Variants in GNG2 observed in about 807,000 individuals in gnomAD.
The protein encoded by GNG2 is guanine nucleotide-binding protein G(I)/G(S)/G(O) subunit gamma-2.
A neutral mutation model predicts 5.5 loss-of-function variants in GNG2; 5 were observed. The observed-to-expected ratio is 0.91, with a 90% confidence interval of 0.48 to 1.92. GNG2 has a LOEUF of 1.92. Among genes scored for constraint, GNG2 ranks in the 30% most tolerant of loss-of-function variants. The pLI, the probability that GNG2 is intolerant of heterozygous loss-of-function variation, is 0.01. For missense variants in GNG2, 55 were observed against 88.4 expected, an observed-to-expected ratio of 0.62 and a Z score of 1.52; for synonymous variants, 28 against 32.0, an observed-to-expected ratio of 0.88 and a Z score of 0.42.
At chr14:51,917,412 G>T (rs1446212466) in intron 2 of GNG2, 1 of 456,076 alleles carries the variant, frequency 2.2e-6, no homozygotes, top group South Asian at 1.5e-5. Flanking sequence ...CCTTCATACT[G>T]CAATCGCCTC....
intron 2 of GNG2, among the ~76,000 whole-genome samples, chr14:51,836,163 C>G (rs1881324959): frequency 6.6e-6 from 1 of 151,822 alleles, no homozygotes; most frequent in South Asian, 2.1e-4. Context: ...TCTCTCCTGT[C>G]TCTTATAAGG....
At chr14:51,837,973 T>C (rs546311632) in intron 2 of GNG2, among the ~76,000 whole-genome samples, 1 of 152,194 alleles carries the variant, frequency 6.6e-6, no homozygotes, top group African/African-American at 2.4e-5. Flanking sequence ...TCCTCGTCAG[T>C]AGTAAATAGG....
chr14:51,829,777 C>T (rs1311345263), intron 2 of GNG2, among the ~76,000 whole-genome samples: 1 of 152,062 alleles, frequency 6.6e-6, no homozygotes, highest in African/African-American at 2.4e-5. Context: ...CACTGCTAAA[C>T]CTAATGTTCA....
At chr14:51,853,008 C>A (rs1436275731) in intron 2 of GNG2, among the ~76,000 whole-genome samples, 1 of 152,104 alleles carries the variant, frequency 6.6e-6, no homozygotes, top group Admixed American at 6.6e-5. Flanking sequence ...TATCACATTT[C>A]CCCCCTTGCT....
intron 2 of GNG2, among the ~76,000 whole-genome samples, chr14:51,919,088 G>A (rs1886845205): frequency 6.6e-6 from 1 of 152,134 alleles, no homozygotes; most frequent in African/African-American, 2.4e-5. Context: ...GCCTCCCAAA[G>A]TGCTGGCATT....
chr14:51,839,687 G>A (rs1869778202), intron 2 of GNG2, among the ~76,000 whole-genome samples: 1 of 152,152 alleles, frequency 6.6e-6, no homozygotes, highest in South Asian at 2.1e-4. Flanking sequence ...TATCTTGATC[G>A]TGGTGGTGGT....
intron 2 of GNG2, among the ~76,000 whole-genome samples, chr14:51,935,316 CGCCCA>C (rs1313675749): frequency 6.6e-6 from 1 of 151,908 alleles, no homozygotes; most frequent in South Asian, 2.1e-4. Flanking sequence ...TGAGCCACCA[CGCCCA>C]GCCCAGCCCA....
chr14:51,851,520 C>T (rs1476320547), intron 2 of GNG2, among the ~76,000 whole-genome samples: 3 of 152,166 alleles, frequency 2.0e-5, no homozygotes, highest in Non-Finnish European at 4.4e-5. Context: ...TTAGTGAGTG[C>T]TTACTGTATA....
intron 2 of GNG2, among the ~76,000 whole-genome samples, chr14:51,935,701 T>A (rs1394118748): frequency 6.6e-6 from 1 of 151,878 alleles, no homozygotes; most frequent in Non-Finnish European, 1.5e-5. Context: ...TTCTTTGAGG[T>A]TTAATTGGCT....
intron 2 of GNG2, among the ~76,000 whole-genome samples, chr14:51,908,630 C>T (rs375149367): frequency 1.5e-4 from 23 of 150,334 alleles, no homozygotes; most frequent in Non-Finnish European, 3.1e-4. Context: ...AGGGCAGTGG[C>T]GCGATCTCGG....
At chr14:51,885,776 C>T (rs558606390) in intron 2 of GNG2, among the ~76,000 whole-genome samples, 62 of 152,260 alleles carry the variant, frequency 4.1e-4, no homozygotes, top group Non-Finnish European at 7.8e-4. Context: ...ATTTTAGATA[C>T]ACTTCATGGG....
At chr14:51,901,613 C>T (rs1594893788) in intron 2 of GNG2, among the ~76,000 whole-genome samples, 1 of 152,248 alleles carries the variant, frequency 6.6e-6, no homozygotes, top group East Asian at 1.9e-4. Context: ...CCAGTAGCCA[C>T]TGAGTGGTCC....
upstream of GNG2, among the ~76,000 whole-genome samples, chr14:51,857,011 A>G (rs568000417): frequency 1.4e-4 from 21 of 152,312 alleles, no homozygotes; most frequent in Admixed American, 7.8e-4. Flanking sequence ...TCTGCCAATG[A>G]TGCCTTTTCA....
chr14:51,943,391 G>T (rs1043108655), intron 2 of GNG2, among the ~76,000 whole-genome samples: 1 of 152,158 alleles, frequency 6.6e-6, no homozygotes, highest in Non-Finnish European at 1.5e-5. Context: ...AAAAACTTCC[G>T]CACAATTTGG....
At chr14:51,964,648 A>C (rs779918608) in intron 3 of GNG2, among the ~76,000 whole-genome samples, 1 of 152,142 alleles carries the variant, frequency 6.6e-6, no homozygotes, top group African/African-American at 2.4e-5. Context: ...CAAAAATTCA[A>C]CGGTTTATGG....
At chr14:51,853,534 C>T (rs1042783070) in intron 2 of GNG2, among the ~76,000 whole-genome samples, 1 of 152,204 alleles carries the variant, frequency 6.6e-6, no homozygotes, top group African/African-American at 2.4e-5. Flanking sequence ...AAGAAAAATG[C>T]CTTCAAACAG....
chr14:51,911,924 A>C (rs1427842163), intron 2 of GNG2, among the ~76,000 whole-genome samples: 1 of 147,280 alleles, frequency 6.8e-6, no homozygotes, highest in African/African-American at 2.6e-5. Flanking sequence ...AAAGGGCTTT[A>C]TATAAAGTAA....
At chr14:51,898,237 T>G (rs1044081473) in intron 2 of GNG2, among the ~76,000 whole-genome samples, 4 of 152,248 alleles carry the variant, frequency 2.6e-5, no homozygotes, top group Non-Finnish European at 5.9e-5. Flanking sequence ...GATATTTAAA[T>G]TATACAGGAA....
intron 3 of GNG2, among the ~76,000 whole-genome samples, chr14:51,966,119 A>G (rs1362328892): frequency 7.0e-6 from 1 of 143,330 alleles, no homozygotes; most frequent in Non-Finnish European, 1.5e-5. Context: ...CTGAGGCAAG[A>G]TAATTGCTTG....
Sources: allele counts gnomAD v4.1 joint callset (sites outside exome capture counted in the v4.1 genomes callset), GRCh38; gene constraint gnomAD v4.1.1; transcripts MANE v1.5; gene names NCBI Gene and HGNC (gene_info 2026-07-23, HGNC 2026-07-21).